Variants in CYTH2 observed in about 807,000 individuals in gnomAD.
CYTH2 encodes cytohesin-2.
A neutral mutation model predicts 55.4 loss-of-function variants in CYTH2; 24 were observed. The ratio of observed to expected loss-of-function variants is 0.43; its 90% confidence interval spans 0.31 to 0.61. The LOEUF is 0.61. Among genes scored for constraint, CYTH2 ranks in the 20% least tolerant of loss-of-function variants. The pLI is 0.08. For missense variants in CYTH2, 378 were observed against 533.5 expected (o/e 0.71, Z 2.87); for synonymous variants, 221 against 209.6 (o/e 1.05, Z -0.47).
intron 1 of CYTH2, 92 bp downstream of exon 1, chr19:48,469,618 C>A: frequency 7.4e-7 from 1 of 1,345,852 alleles, no homozygotes. Context: ...GCGCGCGGCG[C>A]CCAGAAGCGT....
rs1194522448 is a variant in CYTH2 at position 48,472,453 on chromosome 19, C to T, written c.353+10C>T. 2 of 1,610,782 alleles carry T rather than the reference C, an allele frequency of 1.2e-6. No homozygotes were observed. The highest frequency in any genetic ancestry group is 1.1e-5 in the South Asian group (1 of 90,928). On this transcript the variant is annotated intron_variant, in intron 4 of 11. Coordinates refer to ENST00000452733, the MANE Select transcript of CYTH2 (RefSeq NM_004228.7). ...ACTACCTGGGGGAGAGGTACGGTCA[C>T]CACTCAGCTCCTGTGGGGCCCCTCC...
chr19:48,473,621 G>C, intron 5 of CYTH2: 1 of 600,558 alleles, frequency 1.7e-6, no homozygotes. Flanking sequence ...ATTTGCCACT[G>C]TGTCAGCATT....
rs376794526 is a variant in CYTH2 at position 48,472,447 on chromosome 19, C to T, written c.353+4C>T. Reference sequence around the variant, plus strand: ...TCGGGGACTACCTGGGGGAGAGGTACGGTCACCACTCAGCTCCTGTGGGGC... The same window carrying T: ...TCGGGGACTACCTGGGGGAGAGGTATGGTCACCACTCAGCTCCTGTGGGGC... On this transcript the variant is annotated splice_donor_region_variant and intron_variant, in intron 4 of 11. Transcript: ENST00000452733. 1.9e-5 allele frequency: 31 copies of T among 1,611,754 alleles called. No homozygotes were observed. Among genetic ancestry groups the T allele is most frequent in the South Asian group, 1.2e-4 (11 of 90,994 alleles).
chr19:48,472,582 C>A, intron 4 of CYTH2, 139 bp downstream of exon 4: 1 of 775,474 alleles, frequency 1.3e-6, no homozygotes, highest in Non-Finnish European at 2.2e-6. Flanking sequence ...AGCCTTCTGA[C>A]TGGACTGTGA....
chr19:48,469,633 C>T (rs116172436), intron 1 of CYTH2, 107 bp downstream of exon 1: 28,436 of 1,344,684 alleles, frequency 0.021, 500 homozygotes, highest in African/African-American at 0.086. Flanking sequence ...AAGCGTTCGG[C>T]TCAGTCGTAG....
Position 48,474,406 on chromosome 19 carries a change from T to C in CYTH2, c.696+76T>C, listed in dbSNP as rs1569090102. 1 of 1,462,898 alleles carries C rather than the reference T, an allele frequency of 6.8e-7. No individual in the cohort carries two copies. Among genetic ancestry groups the C allele is most frequent in the Non-Finnish European group, 9.1e-7 (1 of 1,098,688 alleles). The allele number at this position is 1,462,898 out of a possible 1,614,324, so 90.6% of individuals were successfully genotyped here. A position where few individuals can be genotyped will look rare whatever the true frequency, so the allele number is the denominator to read the frequency against. On this transcript the variant is annotated intron_variant, in intron 7 of 11. Transcript: ENST00000452733. The surrounding 1 kb of genome is among the most constrained non-coding windows in gnomAD (Gnocchi z 4.9). ...CACCCCCGCCCCACCTGTGGTCTCC[T>C]AGTGCCCAAGCTGTCTGCCCTCACC...
rs1356456620 is a variant in CYTH2, at chr19:48,470,192, TTCTC to T, written c.20-160_20-157del. 4 of 1,127,928 alleles carry T rather than the reference TTCTC, an allele frequency of 3.5e-6. No individual in the cohort carries two copies. In the African/African-American group the frequency reaches 4.7e-5, roughly 13 times the overall value. 69.9% of individuals were successfully genotyped at this position (1,127,928 alleles called of 1,614,324 possible). ...CTCAAGAGTTTAGAGCCCCAGCTCTTTCTCCTCTGCAGGGAGGAATCCAGGCCCC... is the reference window on the plus strand; with the variant it reads ...CTCAAGAGTTTAGAGCCCCAGCTCTTCTCTGCAGGGAGGAATCCAGGCCCC... On this transcript the variant is annotated intron_variant, in intron 1 of 11. Transcript: ENST00000452733.
At chr19:48,476,187 C>T (rs1971908861) in intron 8 of CYTH2, 1 of 295,422 alleles carries the variant, frequency 3.4e-6, no homozygotes, top group African/African-American at 2.2e-5. Context: ...CCTGTAATTT[C>T]AGCACTTTGG....
chr19:48,472,532 A>C lies in CYTH2; in HGVS notation c.353+89A>C, dbSNP rs1049710295. The C allele has an allele frequency of 9.4e-6, 10 of 1,066,156 alleles. No homozygotes were observed. In the African/African-American group the frequency reaches 1.6e-4, roughly 17 times the overall value. 66.0% of individuals were successfully genotyped at this position (1,066,156 alleles called of 1,614,324 possible). On this transcript the variant is annotated intron_variant, in intron 4 of 11. Coordinates refer to ENST00000452733, the MANE Select transcript of CYTH2 (RefSeq NM_004228.7). The stretch of plus-strand genomic sequence containing the variant: ...CTCACACTGGCAGCTCACAGGTGGA[A>C]CAGCCCTGCAGCCTCCCCGCAGAGG...
At chr19:48,471,207 G>C (rs892673477) in intron 3 of CYTH2, among the ~76,000 whole-genome samples, 4 of 135,026 alleles carry the variant, frequency 3.0e-5, no homozygotes, top group Non-Finnish European at 6.0e-5. Context: ...TATCACCCAG[G>C]CTGGAGTGCA....
Position 48,479,214 on chromosome 19 carries a change from C to G in CYTH2, c.*4C>G. On this transcript the variant is annotated 3_prime_UTR_variant, in exon 12 of 12. Coordinates refer to ENST00000452733, the MANE Select transcript of CYTH2 (RefSeq NM_004228.7). Reference sequence around the variant, plus strand: ...GAAGAAGCAGGAGCAGCCCTGACCCCCTGCCCCCAACTCCATTATTTATTA... The same window carrying G: ...GAAGAAGCAGGAGCAGCCCTGACCCGCTGCCCCCAACTCCATTATTTATTA... The G allele has an allele frequency of 6.2e-7, 1 of 1,613,944 alleles. No individual in the cohort carries two copies. The highest frequency in any genetic ancestry group is 8.5e-7 in the Non-Finnish European group (1 of 1,179,914).
Position 48,474,019 on chromosome 19 carries a change from T to TG in CYTH2, c.547+3dup, listed in dbSNP as rs776648598. On this transcript the variant is annotated splice_region_variant and intron_variant, in intron 6 of 11. Coordinates refer to ENST00000452733, the MANE Select transcript of CYTH2 (RefSeq NM_004228.7). This position sits in a 1 kb window ranked among gnomAD's most constrained non-coding sequence, Gnocchi z 4.9. ...ACCCTGGGGTTTTCCAGTCCACAGG[T>TG]GCGGGCCCCAAATCCTGGGTCCTGG... is the stretch of plus-strand genomic sequence containing the variant. 1.2e-6 allele frequency: 2 copies of TG among 1,602,328 alleles called. No homozygotes were observed. Among genetic ancestry groups the TG allele is most frequent in the Non-Finnish European group, 8.5e-7 (1 of 1,174,694 alleles).
In CYTH2 at chr19:48,473,976, A is replaced by G. The variant is rs780717608; in HGVS notation, c.506A>G (p.Gln169Arg). The change falls in exon 6 of 12, where the codon CAG (glutamine) becomes CGG (arginine). Residue 169 changes from glutamine to arginine, a missense_variant. Gln to Arg is a conservative substitution (Grantham distance 43). Coordinates refer to ENST00000452733, the MANE Select transcript of CYTH2 (RefSeq NM_004228.7). ...KIDRMMEAFA[Q>R]RYCLCNPGVF... ...GACCGGATGATGGAGGCCTTCGCCC[A>G]GCGATACTGCCTGTGCAACCCTGGG... 2 of 1,613,806 alleles carry G rather than the reference A, an allele frequency of 1.2e-6. No homozygotes were observed. The highest frequency in any genetic ancestry group is 4.5e-5 in the East Asian group (2 of 44,878).
Position 48,473,381 on chromosome 19 carries a change from G to A in CYTH2, c.434+3G>A, listed in dbSNP as rs761503057. On this transcript the variant is annotated splice_donor_region_variant and intron_variant, in intron 5 of 11. Transcript: ENST00000452733. ...CTCAATCTGGTGCAGGCCCTCAGGTGAGTGAGGGGGAGGGGTTTGGAACGC... is the reference window on the plus strand; with the variant it reads ...CTCAATCTGGTGCAGGCCCTCAGGTAAGTGAGGGGGAGGGGTTTGGAACGC... The A allele has an allele frequency of 6.8e-6, 11 of 1,613,754 alleles. No individual in the cohort carries two copies. Among genetic ancestry groups the A allele is most frequent in the Non-Finnish European group, 9.3e-6 (11 of 1,179,790 alleles).
In CYTH2 at chr19:48,474,984, A is replaced by G; in HGVS notation, c.808+35A>G. ...CTCCCGACCCCGCTGGTCCCTCCGC[A>G]GGAGGACATTTGTGGGCCTGGGCCC... On this transcript the variant is annotated intron_variant, in intron 8 of 11. Transcript: ENST00000452733. The surrounding 1 kb of genome is among the most constrained non-coding windows in gnomAD (Gnocchi z 4.9). The G allele has an allele frequency of 6.3e-7, 1 of 1,590,292 alleles. No homozygotes were observed. Among genetic ancestry groups the G allele is most frequent in the Non-Finnish European group, 8.6e-7 (1 of 1,161,848 alleles).
chr19:48,472,288 T>C, intron 3 of CYTH2, 37 bp from the exon 4 acceptor site: 1 of 1,601,036 alleles, frequency 6.2e-7, no homozygotes, highest in South Asian at 1.1e-5. Context: ...GGTGGCTTTC[T>C]GGCCCTCAGC....
rs964078356 is a variant in CYTH2 at position 48,474,954 on chromosome 19, G to T, written c.808+5G>T. The T allele has an allele frequency of 6.2e-7, 1 of 1,613,464 alleles. No individual in the cohort carries two copies. The highest frequency in any genetic ancestry group is 8.5e-7 in the Non-Finnish European group (1 of 1,179,608). ...AGGGCTGGCTCCTGAAGCTGGGTAC[G>T]TGCCCTCCCGACCCCGCTGGTCCCT... On this transcript the variant is annotated splice_donor_5th_base_variant and intron_variant, in intron 8 of 11. Coordinates refer to ENST00000452733, the MANE Select transcript of CYTH2 (RefSeq NM_004228.7). The surrounding 1 kb of genome is among the most constrained non-coding windows in gnomAD (Gnocchi z 4.9).
rs1972025916 is a variant in CYTH2, at chr19:48,480,401, G to T, written c.*1191G>T. The stretch of plus-strand genomic sequence containing the variant: ...TGTTCGCTTTTGAGCTCTCCGATGG[G>T]ATGCGGCGCTTCGGAATTTCGGGCT... On this transcript the variant is annotated 3_prime_UTR_variant, in exon 12 of 12. Transcript: ENST00000452733. 6.6e-6 allele frequency: 1 copy of T among 152,238 alleles called. No homozygotes were observed. Among genetic ancestry groups the T allele is most frequent in the African/African-American group, 2.4e-5 (1 of 41,470 alleles). 9.4% of individuals were successfully genotyped at this position (152,238 alleles called of 1,614,324 possible). A position where few individuals can be genotyped will look rare whatever the true frequency, so the allele number is the denominator to read the frequency against.
chr19:48,473,770 T>C (rs1030115015), intron 5 of CYTH2, 135 bp from the exon 6 acceptor site: 1 of 690,984 alleles, frequency 1.4e-6, no homozygotes, highest in Non-Finnish European at 2.4e-6. Context: ...GACTGGATCA[T>C]GTGACCATAC....
Sources: gnomAD v4.1 joint callset for allele counts (sites outside exome capture counted in the v4.1 genomes callset) on GRCh38, gnomAD v4.1.1 for gene constraint, Gnocchi (gnomAD v3.1) non-coding constraint, MANE v1.5 for transcripts, NCBI Gene and HGNC (gene_info 2026-07-23, HGNC 2026-07-21) for gene names.